GALNT9: variants seen among roughly 807,000 people sequenced by gnomAD.
GALNT9 encodes polypeptide N-acetylgalactosaminyltransferase 9.
In GALNT9, 47 loss-of-function variants were observed where a neutral mutation model predicts 63.1. The observed-to-expected ratio is 0.75, with a 90% CI of 0.59 to 0.95. The LOEUF (loss-of-function observed/expected upper bound fraction) is 0.95, where lower values mean the gene tolerates loss of function less well. GALNT9 is among the 40% of genes least tolerant of loss of function. The pLI is 0.00. For synonymous variants in GALNT9, 396 were observed against 365.7 expected, an observed-to-expected ratio of 1.08 and a Z score of -0.94; for missense variants, 829 against 874.8, an observed-to-expected ratio of 0.95 and a Z score of 0.66.
chr12:132,306,346 G>A (rs1473624707), intron 1 of GALNT9, among the ~76,000 whole-genome samples: 4 of 152,220 alleles, frequency 2.6e-5, no homozygotes, highest in Non-Finnish European at 5.9e-5. Context: ...GCTGCTGTCC[G>A]GGATGGCGAG....
In GALNT9 at chr12:132,240,678, T is replaced by A. The variant is rs2136899173; in HGVS notation, c.1077+7232A>T. On this transcript the variant is annotated intron_variant, in intron 6 of 10. Coordinates refer to ENST00000328957, the MANE Select transcript of GALNT9 (RefSeq NM_001122636.2). ...TCACTCTCTGCCGTGTTTTTCTTCC[T>A]CTTTTATTCTGTTTATAATTTACCT... The A allele has an allele frequency of 7.5e-5, 34 of 455,908 alleles. No individual in the cohort carries two copies. The highest frequency in any genetic ancestry group is 9.3e-5 in the Non-Finnish European group (21 of 226,588). The allele number at this position is 455,908 out of a possible 1,614,324, so 28.2% of individuals were successfully genotyped here.
At chr12:132,209,400 A>T (rs1385651891) in intron 6 of GALNT9, among the ~76,000 whole-genome samples, 1 of 152,090 alleles carries the variant, frequency 6.6e-6, no homozygotes, top group African/African-American at 2.4e-5. Flanking sequence ...AAAATAAAAA[A>T]TTAGCTGGGC....
intron 6 of GALNT9, among the ~76,000 whole-genome samples, chr12:132,219,088 C>T (rs1264319324): frequency 6.6e-6 from 1 of 152,134 alleles, no homozygotes; most frequent in Non-Finnish European, 1.5e-5. Flanking sequence ...CCTGAGGCTT[C>T]TCACCCGGTC....
At chr12:132,230,989 T>A (rs1424202179) in intron 6 of GALNT9, among the ~76,000 whole-genome samples, 1 of 129,266 alleles carries the variant, frequency 7.7e-6, no homozygotes, top group South Asian at 2.5e-4. Context: ...CTCGATGGAG[T>A]GACAGAGGAG....
chr12:132,247,871 C>G, intron 6 of GALNT9, 39 bp downstream of exon 6: 1 of 1,550,256 alleles, frequency 6.5e-7, no homozygotes. Context: ...TGGCCTCACT[C>G]GCCCTCACCC....
chr12:132,306,136 GC>G (rs781820281), intron 1 of GALNT9, among the ~76,000 whole-genome samples: 4 of 152,244 alleles, frequency 2.6e-5, no homozygotes, highest in Non-Finnish European at 4.4e-5. Context: ...CCGGGTCAGA[GC>G]CCCCGTGGGG....
At chr12:132,321,032 G>A (rs1555246086) in intron 1 of GALNT9, among the ~76,000 whole-genome samples, 1 of 152,174 alleles carries the variant, frequency 6.6e-6, no homozygotes, top group East Asian at 1.9e-4. Flanking sequence ...TCGCTCCAGG[G>A]GCCTCCTGGC....
At chr12:132,240,701 C>A (rs1555236907) in intron 6 of GALNT9, 2 of 455,832 alleles carry the variant, frequency 4.4e-6, no homozygotes, top group Non-Finnish European at 8.8e-6. Context: ...TTATAATTTA[C>A]CTTATCTTGC....
chr12:132,210,500 G>A (rs2013869076), intron 6 of GALNT9, among the ~76,000 whole-genome samples: 1 of 152,190 alleles, frequency 6.6e-6, no homozygotes, highest in South Asian at 2.1e-4. Flanking sequence ...CTGGAGGACT[G>A]AGTGGGGCCA....
chr12:132,203,777 G>A (rs1300139850), intron 6 of GALNT9, 87 bp from the exon 7 acceptor site: 1 of 1,440,186 alleles, frequency 6.9e-7, no homozygotes, highest in African/African-American at 1.4e-5. Context: ...AGGCCAAGGG[G>A]CCCGGCCCTC....
chr12:132,203,499 A>C lies in GALNT9; in HGVS notation c.1263+6T>G, dbSNP rs748485879. The C allele has an allele frequency of 6.2e-7, 1 of 1,612,982 alleles. No individual in the cohort carries two copies. Among genetic ancestry groups the C allele is most frequent in the African/African-American group, 1.3e-5 (1 of 74,922 alleles). Reference sequence around the variant, plus strand: ...GGCCCCGGCTCCCGGCCTGTGGGGGACTCACCGACATGGGGATGTTCCAGG... The same window carrying C: ...GGCCCCGGCTCCCGGCCTGTGGGGGCCTCACCGACATGGGGATGTTCCAGG... On this transcript the variant is annotated splice_donor_region_variant and intron_variant, in intron 7 of 10. Transcript: ENST00000328957.
chr12:132,295,685 C>T (rs1048680190), intron 1 of GALNT9, among the ~76,000 whole-genome samples: 6 of 152,230 alleles, frequency 3.9e-5, no homozygotes, highest in Non-Finnish European at 5.9e-5. Flanking sequence ...ATGGAGGGAG[C>T]GTGGCCCAGC....
intron 6 of GALNT9, among the ~76,000 whole-genome samples, chr12:132,231,060 C>A (rs1377346505): frequency 1.7e-5 from 2 of 119,996 alleles, no homozygotes; most frequent in Non-Finnish European, 3.5e-5. Context: ...AGCGTGGAGT[C>A]CCTAGTGCCA....
rs782267910 is a variant in GALNT9 at position 132,257,679 on chromosome 12, C to T, written c.959+10G>A. The stretch of plus-strand genomic sequence containing the variant: ...CAGGGCCGCCCTCGACCCCTGAGGG[C>T]GCAGCTCACCTGATGGGTGCTGACT... On this transcript the variant is annotated intron_variant, in intron 5 of 10. Transcript: ENST00000328957. 33 of 1,544,538 alleles carry T rather than the reference C, an allele frequency of 2.1e-5. No homozygotes were observed. Among genetic ancestry groups the T allele is most frequent in the South Asian group, 7.2e-5 (6 of 83,738 alleles).
In GALNT9 at chr12:132,260,326, C is replaced by T. The variant is rs1171511540; in HGVS notation, c.761+622G>A. Among the ~76,000 whole-genome samples the T allele has an allele frequency of 2.6e-5, 4 of 152,158 alleles. No individual in the cohort carries two copies. In the South Asian group the frequency reaches 6.2e-4, roughly 24 times the overall value. ...TCGGGCCCTGCCCACACCTTGGAGT[C>T]GGGCTCTGGGCCTCCAGAACGGTGA... On this transcript the variant is annotated intron_variant, in intron 4 of 10. Transcript: ENST00000328957.
chr12:132,323,284 CG>C lies in GALNT9; in HGVS notation c.238+5681del, dbSNP rs1281809815. On this transcript the variant is annotated intron_variant, in intron 1 of 10. Transcript: ENST00000328957. ...TGCAAACACTCAGCCCAGCACACGC[CG>C]ACGCTGGGGATCACCGCCTGCCTGG... is the stretch of plus-strand genomic sequence containing the variant. 2.0e-5 allele frequency among the ~76,000 whole-genome samples: 3 copies of C among 152,320 alleles called. No individual in the cohort carries two copies. In the East Asian group the frequency reaches 5.8e-4, roughly 29 times the overall value.
chr12:132,221,658 C>CAAAAAAAAAA (rs761220333), intron 6 of GALNT9, among the ~76,000 whole-genome samples: 8 of 79,638 alleles, frequency 1.0e-4, no homozygotes, highest in South Asian at 5.2e-4. Flanking sequence ...GAGACGTTCT[C>CAAAAAAAAAA]AAAAAAAAAA....
At chr12:132,240,765 G>C (rs1264234066) in intron 6 of GALNT9, 3 of 454,952 alleles carry the variant, frequency 6.6e-6, no homozygotes, top group Admixed American at 4.7e-5. Flanking sequence ...CAGCAGAATT[G>C]GAATGTGCAG....
At chr12:132,290,669 C>T (rs1293551528) in intron 1 of GALNT9, among the ~76,000 whole-genome samples, 2 of 102,248 alleles carry the variant, frequency 2.0e-5, no homozygotes, top group Admixed American at 1.8e-4. Context: ...CCCACGTCCA[C>T]AGCGCCCACG....
Sources: gnomAD v4.1 joint callset for allele counts (sites outside exome capture counted in the v4.1 genomes callset) on GRCh38, gnomAD v4.1.1 for gene constraint, MANE v1.5 for transcripts, NCBI Gene and HGNC (gene_info 2026-07-23, HGNC 2026-07-21) for gene names.